The following AIG1 variants were observed in gnomAD, a reference collection of about 807,000 sequenced individuals.
AIG1 encodes the protein androgen-induced gene 1 protein.
A neutral mutation model predicts 31.4 loss-of-function variants in AIG1; 23 were observed. That is an observed-to-expected ratio of 0.73 (90% CI 0.53 to 1.04). AIG1 has a LOEUF of 1.04. Ranked by LOEUF, AIG1 falls within the 50% of genes least tolerant of loss-of-function variation. The pLI is 0.00. For missense variants in AIG1, 274 were observed against 295.0 expected (o/e 0.93, Z 0.52); for synonymous variants, 100 against 110.5 (o/e 0.90, Z 0.60).
chr6:143,177,390 T>G lies in AIG1; in HGVS notation c.399+12207T>G, dbSNP rs567549182. The stretch of plus-strand genomic sequence containing the variant: ...TTCCATATTTCTTGTTTCCCTATGT[T>G]GATATCCATGCGTCTGGTGACACAT... On this transcript the variant is annotated intron_variant, in intron 3 of 5. Transcript: ENST00000357847. Among the ~76,000 whole-genome samples the G allele has an allele frequency of 9.2e-5, 14 of 152,364 alleles. No homozygotes were observed. The East Asian group carries it at 2.7e-3, about 29-fold the overall frequency.
At chr6:143,084,688 T>G (rs1326286953) in intron 1 of AIG1, among the ~76,000 whole-genome samples, 1 of 152,228 alleles carries the variant, frequency 6.6e-6, no homozygotes, top group Non-Finnish European at 1.5e-5. Context: ...GGAGGTTTGC[T>G]TCCTCAATGC....
intron 4 of AIG1, among the ~76,000 whole-genome samples, chr6:143,304,588 G>C (rs1327612650): frequency 6.6e-6 from 1 of 152,134 alleles, no homozygotes; most frequent in Non-Finnish European, 1.5e-5. Context: ...ACTTGATCAT[G>C]GTTGATAAGC....
chr6:143,200,546 A>C (rs1790615912), intron 3 of AIG1, among the ~76,000 whole-genome samples: 1 of 151,990 alleles, frequency 6.6e-6, no homozygotes. Context: ...ACTTCCATTC[A>C]TCTTTCAACC....
At chr6:143,138,779 G>GCTACT (rs1783995936) in intron 2 of AIG1, among the ~76,000 whole-genome samples, 1 of 151,728 alleles carries the variant, frequency 6.6e-6, no homozygotes, top group Admixed American at 6.6e-5. Context: ...TTTAGTCCCA[G>GCTACT]CTACTCAGGA....
intron 1 of AIG1, among the ~76,000 whole-genome samples, chr6:143,087,408 GTTCA>G (rs1242963827): frequency 6.6e-6 from 1 of 152,200 alleles, no homozygotes; most frequent in Non-Finnish European, 1.5e-5. Flanking sequence ...AGTGACTAGT[GTTCA>G]GCTCAATTAG....
intron 3 of AIG1, among the ~76,000 whole-genome samples, chr6:143,237,268 C>G (rs1031385936): frequency 6.6e-6 from 1 of 152,182 alleles, no homozygotes; most frequent in African/African-American, 2.4e-5. Context: ...CTACTGTGTG[C>G]CATGTACCAT....
At chr6:143,078,543 C>G (rs1777928676) in intron 1 of AIG1, among the ~76,000 whole-genome samples, 1 of 152,178 alleles carries the variant, frequency 6.6e-6, no homozygotes, top group African/African-American at 2.4e-5. Context: ...TTAATGGACT[C>G]ACAGTTCTAC....
In AIG1 at chr6:143,095,748, T is replaced by A. The variant is rs537816323; in HGVS notation, c.141+34682T>A. 1.2e-4 allele frequency among the ~76,000 whole-genome samples: 18 copies of A among 152,214 alleles called. 1 individual carries two copies. In the South Asian group the frequency reaches 2.9e-3, roughly 25 times the overall value. Reference sequence around the variant, plus strand: ...TCATCTTGTTTTTTCATCCCTTTATTACTGCATTTTAATTGAACAAGCCAA... The same window carrying A: ...TCATCTTGTTTTTTCATCCCTTTATAACTGCATTTTAATTGAACAAGCCAA... On this transcript the variant is annotated intron_variant, in intron 1 of 5. Transcript: ENST00000357847.
intron 1 of AIG1, among the ~76,000 whole-genome samples, chr6:143,107,144 T>C (rs1780877226): frequency 6.6e-6 from 1 of 152,212 alleles, no homozygotes; most frequent in Admixed American, 6.5e-5. Context: ...CTAACAACTT[T>C]CATAGTATCC....
chr6:143,208,393 A>G (rs1197032272), intron 3 of AIG1, among the ~76,000 whole-genome samples: 1 of 152,190 alleles, frequency 6.6e-6, no homozygotes, highest in Non-Finnish European at 1.5e-5. Flanking sequence ...TTACATTTGC[A>G]TGGAGAACAC....
rs17591575 is a variant in AIG1 at position 143,284,270 on chromosome 6, C to G, written c.515+45C>G. 2,119 of 1,425,852 alleles carry G rather than the reference C, an allele frequency of 1.5e-3. 18 individuals carry two copies. The East Asian group carries it at 0.022, about 15-fold the overall frequency. The allele number at this position is 1,425,852 out of a possible 1,614,324, so 88.3% of individuals were successfully genotyped here. ...GGCTTTCTTATTGTATTAGATTTTG[C>G]ACTGCTAAATTTGGGCACATATTTC... On this transcript the variant is annotated intron_variant, in intron 4 of 5. Coordinates refer to ENST00000357847, the MANE Select transcript of AIG1 (RefSeq NM_016108.4). This position sits in a 1 kb window ranked among gnomAD's most constrained non-coding sequence, Gnocchi z 4.4.
In AIG1 at chr6:143,283,502, C is replaced by T. The variant is rs535498833; in HGVS notation, c.400-608C>T. On this transcript the variant is annotated intron_variant, in intron 3 of 5. Coordinates refer to ENST00000357847, the MANE Select transcript of AIG1 (RefSeq NM_016108.4). ...TTTAACATTTGGACAAAGAGTTCTA[C>T]GAAAGATGTTCATCATGATGTTTTT... Among the ~76,000 whole-genome samples, 14 of 152,244 alleles carry T rather than the reference C, an allele frequency of 9.2e-5. No individual in the cohort carries two copies. In the East Asian group the frequency reaches 9.6e-4, roughly 10 times the overall value.
intron 3 of AIG1, among the ~76,000 whole-genome samples, chr6:143,219,798 G>A (rs931008708): frequency 5.3e-5 from 8 of 152,148 alleles, no homozygotes; most frequent in African/African-American, 1.9e-4. Flanking sequence ...AGATTGAGTA[G>A]GTTAGATTAG....
intron 1 of AIG1, among the ~76,000 whole-genome samples, chr6:143,121,038 G>T (rs985844948): frequency 6.6e-6 from 1 of 152,190 alleles, no homozygotes; most frequent in Non-Finnish European, 1.5e-5. Flanking sequence ...TTTTATTTCG[G>T]CCCATCCCTT....
intron 3 of AIG1, among the ~76,000 whole-genome samples, chr6:143,263,273 TTG>T (rs1318470254): frequency 9.1e-6 from 1 of 109,606 alleles, no homozygotes; most frequent in Non-Finnish European, 1.8e-5. Context: ...AGTCCTTTAT[TTG>T]TTTTTTTTTT....
rs1185050436 is a variant in AIG1 at position 143,333,924 on chromosome 6, G to GT, written c.679+480dup. ...ATTCTGCTAGAGCTCTATCTAAGCAGTGTGTGATGCTCCGGCCACCTTGAC... is the reference window on the plus strand; with the variant it reads ...ATTCTGCTAGAGCTCTATCTAAGCAGTTGTGTGATGCTCCGGCCACCTTGAC... On this transcript the variant is annotated intron_variant, in intron 5 of 5. Transcript: ENST00000357847. This position sits in a 1 kb window ranked among gnomAD's most constrained non-coding sequence, Gnocchi z 4.6. Among the ~76,000 whole-genome samples, 1 of 152,184 alleles carries GT rather than the reference G, an allele frequency of 6.6e-6. No homozygotes were observed.
At chr6:143,124,634 G>A (rs1782535637) in intron 1 of AIG1, among the ~76,000 whole-genome samples, 1 of 152,102 alleles carries the variant, frequency 6.6e-6, no homozygotes, top group Non-Finnish European at 1.5e-5. Context: ...AATACCCGAG[G>A]GTAATTTACA....
Position 143,338,984 on chromosome 6 carries a change from T to G in AIG1, c.680-655T>G, listed in dbSNP as rs1777711835. On this transcript the variant is annotated intron_variant, in intron 5 of 5. Coordinates refer to ENST00000357847, the MANE Select transcript of AIG1 (RefSeq NM_016108.4). The surrounding 1 kb of genome is among the most constrained non-coding windows in gnomAD (Gnocchi z 4.3). ...TTCAGGAACATGAAACATCATCGAC[T>G]ATTCTCTACAGACAACAGGCAAAGG... 6.6e-6 allele frequency: 1 copy of G among 152,180 alleles called. No individual in the cohort carries two copies. The highest frequency in any genetic ancestry group is 2.4e-5 in the African/African-American group (1 of 41,440). The allele number at this position is 152,180 out of a possible 1,614,324, so 9.4% of individuals were successfully genotyped here. A position where few individuals can be genotyped will look rare whatever the true frequency, so the allele number is the denominator to read the frequency against.
rs1194143829 is a variant in AIG1 at position 143,330,604 on chromosome 6, A to T, written c.516-2678A>T. 6.6e-6 allele frequency among the ~76,000 whole-genome samples: 1 copy of T among 152,016 alleles called. No homozygotes were observed. The highest frequency in any genetic ancestry group is 1.5e-5 in the Non-Finnish European group (1 of 67,988). ...GAACCATCTAGGGACTCTGGCTTGT[A>T]CTCTGAGTGGGAGAGGAAGCAAGTT... is the stretch of plus-strand genomic sequence containing the variant. On this transcript the variant is annotated intron_variant, in intron 4 of 5. Transcript: ENST00000357847. This position sits in a 1 kb window ranked among gnomAD's most constrained non-coding sequence, Gnocchi z 4.4.
Sources: gnomAD v4.1 joint callset for allele counts (sites outside exome capture counted in the v4.1 genomes callset) on GRCh38, gnomAD v4.1.1 for gene constraint, Gnocchi (gnomAD v3.1) non-coding constraint, MANE v1.5 for transcripts, NCBI Gene and HGNC (gene_info 2026-07-23, HGNC 2026-07-21) for gene names.